The following RAB8A variants were observed in gnomAD, a reference collection of about 807,000 sequenced individuals.
The protein encoded by RAB8A is ras-related protein Rab-8A.
RAB8A carries 5 observed loss-of-function variants against 29.2 expected under a neutral mutation model. The observed-to-expected ratio is 0.17, with a 90% CI of 0.09 to 0.36. The LOEUF (loss-of-function observed/expected upper bound fraction) is 0.36. RAB8A is among the 10% of genes least tolerant of loss of function. RAB8A has a pLI of 1.00. For missense variants in RAB8A, 171 were observed against 272.2 expected, an observed-to-expected ratio of 0.63 and a Z score of 2.62; for synonymous variants, 108 against 99.9, an observed-to-expected ratio of 1.08 and a Z score of -0.49.
In RAB8A at chr19:16,127,188, A is replaced by G. The variant is rs1261665194; in HGVS notation, c.325-249A>G. Among the ~76,000 whole-genome samples the G allele has an allele frequency of 6.6e-6, 1 of 152,190 alleles. No homozygotes were observed. The highest frequency in any genetic ancestry group is 1.5e-5 in the Non-Finnish European group (1 of 68,036). Reference sequence around the variant, plus strand: ...GATTGATACAGCCATAGAAGCTGCCAGAAAGCATTTCAGAAAATGTGCATT... The same window carrying G: ...GATTGATACAGCCATAGAAGCTGCCGGAAAGCATTTCAGAAAATGTGCATT... On this transcript the variant is annotated intron_variant, in intron 4 of 7. Coordinates refer to ENST00000300935, the MANE Select transcript of RAB8A (RefSeq NM_005370.5). The surrounding 1 kb of genome is among the most constrained non-coding windows in gnomAD (Gnocchi z 4.8).
Position 16,127,880 on chromosome 19 carries a change from G to C in RAB8A, c.415-146G>C. ...GGAGGGGCATTCACTATAGAATTGA[G>C]GGAGTGATCCAGGAAGTCACGCCCA... On this transcript the variant is annotated intron_variant, in intron 5 of 7. Coordinates refer to ENST00000300935, the MANE Select transcript of RAB8A (RefSeq NM_005370.5). This position sits in a 1 kb window ranked among gnomAD's most constrained non-coding sequence, Gnocchi z 4.8. 1 of 783,756 alleles carries C rather than the reference G, an allele frequency of 1.3e-6. No individual in the cohort carries two copies. Among genetic ancestry groups the C allele is most frequent in the Non-Finnish European group, 2.2e-6 (1 of 458,832 alleles). 48.6% of individuals were successfully genotyped at this position (783,756 alleles called of 1,614,324 possible). A position where few individuals can be genotyped will look rare whatever the true frequency, so the allele number is the denominator to read the frequency against.
rs576428811 is a variant in RAB8A, at chr19:16,112,567, C to A, written c.124+542C>A. 1.1e-4 allele frequency: 17 copies of A among 161,140 alleles called. No homozygotes were observed. In the South Asian group the frequency reaches 2.5e-3, roughly 24 times the overall value. The allele number at this position is 161,140 out of a possible 1,614,324, so 10.0% of individuals were successfully genotyped here. On this transcript the variant is annotated intron_variant, in intron 1 of 7. Coordinates refer to ENST00000300935, the MANE Select transcript of RAB8A (RefSeq NM_005370.5). Reference sequence around the variant, plus strand: ...AGGGCATGGAACTTGCCCAAGGCCACACAGTCTGCACGTGGTGAGAATGGG... The same window carrying A: ...AGGGCATGGAACTTGCCCAAGGCCAAACAGTCTGCACGTGGTGAGAATGGG...
chr19:16,130,063 C>T (rs1318537443), intron 7 of RAB8A, among the ~76,000 whole-genome samples: 3 of 152,146 alleles, frequency 2.0e-5, no homozygotes. Context: ...TGTGACAGCT[C>T]TGCAACCTTC....
At chr19:16,112,925 A>G (rs1373893662) in intron 1 of RAB8A, among the ~76,000 whole-genome samples, 2 of 152,212 alleles carry the variant, frequency 1.3e-5, no homozygotes, top group African/African-American at 2.4e-5. Flanking sequence ...TGTCATCCCC[A>G]AGAAGATGCA....
chr19:16,123,476 G>A (rs779795103), intron 3 of RAB8A, among the ~76,000 whole-genome samples: 8 of 152,098 alleles, frequency 5.3e-5, no homozygotes, highest in Admixed American at 3.9e-4. Flanking sequence ...GCGTGGTGGC[G>A]GATGCCTGTA....
Position 16,125,426 on chromosome 19 carries a change from A to G in RAB8A, c.247-44A>G, listed in dbSNP as rs2090895242. On this transcript the variant is annotated intron_variant, in intron 3 of 7. Transcript: ENST00000300935. The surrounding 1 kb of genome is among the most constrained non-coding windows in gnomAD (Gnocchi z 5.0). ...GGTGCCGCTGAGGCCTCCCTTCCAG[A>G]GCCTGCAGCCGATCAGGCACCTGTG... The G allele has an allele frequency of 6.4e-7, 1 of 1,559,072 alleles. No homozygotes were observed.
In RAB8A at chr19:16,132,600, C is replaced by G. The variant is rs1463829573; in HGVS notation, c.*296C>G. On this transcript the variant is annotated 3_prime_UTR_variant, in exon 8 of 8. Coordinates refer to ENST00000300935, the MANE Select transcript of RAB8A (RefSeq NM_005370.5). This position sits in a 1 kb window ranked among gnomAD's most constrained non-coding sequence, Gnocchi z 5.6. Reference sequence around the variant, plus strand: ...AGAGAGGGAGTCAAGGTGTGACCGTCGACCACAGCCAGTGTCAGGCCTCTG... The same window carrying G: ...AGAGAGGGAGTCAAGGTGTGACCGTGGACCACAGCCAGTGTCAGGCCTCTG... The G allele has an allele frequency of 5.2e-6, 2 of 384,368 alleles. No homozygotes were observed. The highest frequency in any genetic ancestry group is 1.1e-4 in the East Asian group (2 of 17,732). The allele number at this position is 384,368 out of a possible 1,614,324, so 23.8% of individuals were successfully genotyped here. A position where few individuals can be genotyped will look rare whatever the true frequency, so the allele number is the denominator to read the frequency against.
intron 7 of RAB8A, among the ~76,000 whole-genome samples, chr19:16,131,048 T>C (rs756272429): frequency 2.0e-5 from 3 of 152,170 alleles, no homozygotes; most frequent in Non-Finnish European, 2.9e-5. Flanking sequence ...GGTCTTGAAC[T>C]CCTGACCTCA....
intron 1 of RAB8A, chr19:16,112,301 C>G (rs956703704): frequency 8.9e-6 from 4 of 448,536 alleles, no homozygotes; most frequent in African/African-American, 2.0e-5. Flanking sequence ...GGGGTCTTCG[C>G]GCCCGTCCTC....
At position 16,131,879 on chromosome 19, in the gene RAB8A, G is replaced by A. The variant is rs989434646; in HGVS notation, c.532-333G>A. Among the ~76,000 whole-genome samples, 3 of 148,216 alleles carry A rather than the reference G, an allele frequency of 2.0e-5. 1 individual carries two copies. The highest frequency in any genetic ancestry group is 7.3e-5 in the African/African-American group (3 of 41,006). ...GGTTGGTTGGTTGGTTGGTTGGTTG[G>A]TTGGTTGGTTGGTTGGTTGGATGGT... On this transcript the variant is annotated intron_variant, in intron 7 of 7. Transcript: ENST00000300935.
chr19:16,121,603 G>T, intron 2 of RAB8A, 147 bp from the exon 3 acceptor site: 1 of 680,362 alleles, frequency 1.5e-6, no homozygotes. Flanking sequence ...ATAATAGGGA[G>T]ATTAGAAGGT....
At chr19:16,117,674 G>A (rs1036824520) in intron 1 of RAB8A, among the ~76,000 whole-genome samples, 6 of 151,864 alleles carry the variant, frequency 4.0e-5, no homozygotes, top group African/African-American at 1.5e-4. Flanking sequence ...GGAAGATGGG[G>A]TCAGGAAGGC....
At chr19:16,120,760 G>A (rs1357881294) in intron 2 of RAB8A, among the ~76,000 whole-genome samples, 1 of 151,838 alleles carries the variant, frequency 6.6e-6, no homozygotes, top group African/African-American at 2.4e-5. Flanking sequence ...ACAGATCCAC[G>A]CCATCATGCC....
At chr19:16,128,322 C>T (rs114194557) in intron 6 of RAB8A, among the ~76,000 whole-genome samples, 2,286 of 152,264 alleles carry the variant, frequency 0.015, 53 homozygotes, top group African/African-American at 0.051. Flanking sequence ...GCACCTAGGA[C>T]GCATCTCACG....
chr19:16,129,743 G>A (rs2090917246), intron 7 of RAB8A, 139 bp downstream of exon 7: 3 of 876,938 alleles, frequency 3.4e-6, no homozygotes, highest in Non-Finnish European at 5.5e-6. Context: ...GGGAAAGGGG[G>A]AAGAGTTTGC....
intron 1 of RAB8A, among the ~76,000 whole-genome samples, chr19:16,114,666 G>A (rs1422511098): frequency 6.7e-6 from 1 of 149,636 alleles, no homozygotes; most frequent in Non-Finnish European, 1.5e-5. Flanking sequence ...GGGATTACAA[G>A]CATGAGCCAC....
intron 7 of RAB8A, among the ~76,000 whole-genome samples, chr19:16,131,124 A>AT (rs1450860713): frequency 2.0e-5 from 3 of 151,014 alleles, no homozygotes; most frequent in African/African-American, 7.3e-5. Context: ...CCGCCTGGCC[A>AT]TTTTTTCTTT....
Position 16,127,155 on chromosome 19 carries a change from G to A in RAB8A, c.325-282G>A, listed in dbSNP as rs1406186948. On this transcript the variant is annotated intron_variant, in intron 4 of 7. Coordinates refer to ENST00000300935, the MANE Select transcript of RAB8A (RefSeq NM_005370.5). The surrounding 1 kb of genome is among the most constrained non-coding windows in gnomAD (Gnocchi z 4.8). ...TAGACCCGCCCAGCATCCCAGGTGC[G>A]GGGGCTTGATTGATACAGCCATAGA... is the stretch of plus-strand genomic sequence containing the variant. Among the ~76,000 whole-genome samples, 3 of 152,186 alleles carry A rather than the reference G, an allele frequency of 2.0e-5. No homozygotes were observed. Among genetic ancestry groups the A allele is most frequent in the Admixed American group, 1.3e-4 (2 of 15,268 alleles).
At chr19:16,121,638 A>T in intron 2 of RAB8A, 112 bp from the exon 3 acceptor site, 1 of 910,392 alleles carries the variant, frequency 1.1e-6, no homozygotes, top group Non-Finnish European at 1.8e-6. Context: ...AGAAGGTATC[A>T]CAGTGGCTGA....
Sources: allele counts gnomAD v4.1 joint callset (sites outside exome capture counted in the v4.1 genomes callset), GRCh38; gene constraint gnomAD v4.1.1; non-coding constraint Gnocchi (gnomAD v3.1); transcripts MANE v1.5; gene names NCBI Gene and HGNC (gene_info 2026-07-23, HGNC 2026-07-21).